ENTHD1: variants seen among roughly 807,000 people sequenced by gnomAD.
ENTHD1 encodes ENTH domain-containing protein 1.
ENTHD1 carries 23 observed loss-of-function variants against 39.1 expected under a neutral mutation model. The observed-to-expected ratio is 0.59, with a 90% CI of 0.42 to 0.83. The LOEUF (loss-of-function observed/expected upper bound fraction) is 0.83, where lower values mean the gene tolerates loss of function less well. Ranked by LOEUF, ENTHD1 falls within the 40% of genes least tolerant of loss-of-function variation. The pLI is 0.00. For synonymous variants in ENTHD1, 230 were observed against 258.2 expected, an observed-to-expected ratio of 0.89 and a Z score of 1.05; for missense variants, 624 against 705.4, an observed-to-expected ratio of 0.88 and a Z score of 1.31.
At chr22:39,779,272 C>T (rs1013328853) in intron 5 of ENTHD1, among the ~76,000 whole-genome samples, 3 of 151,944 alleles carry the variant, frequency 2.0e-5, no homozygotes, top group Non-Finnish European at 4.4e-5. Flanking sequence ...AACCAGGAGG[C>T]GGAGGTTGCA....
intron 5 of ENTHD1, among the ~76,000 whole-genome samples, chr22:39,807,102 G>A (rs1331190480): frequency 6.6e-6 from 1 of 152,140 alleles, no homozygotes; most frequent in Non-Finnish European, 1.5e-5. Context: ...AATTGTGACT[G>A]ATCAGAGCTT....
intron 6 of ENTHD1, among the ~76,000 whole-genome samples, chr22:39,758,072 T>TA (rs1403229569): frequency 7.2e-5 from 11 of 152,196 alleles, no homozygotes; most frequent in Admixed American, 2.0e-4. Flanking sequence ...AACAGACTAA[T>TA]ACAGTTGTCC....
At chr22:39,864,259 AC>A (rs1409876645) in intron 2 of ENTHD1, among the ~76,000 whole-genome samples, 5 of 151,952 alleles carry the variant, frequency 3.3e-5, no homozygotes, top group Admixed American at 2.0e-4. Context: ...TACTCTAGCT[AC>A]CCTGGTGCTT....
At chr22:39,752,482 G>A (rs78065010) in intron 6 of ENTHD1, among the ~76,000 whole-genome samples, 1,988 of 152,244 alleles carry the variant, frequency 0.013, 33 homozygotes, top group Non-Finnish European at 0.019. Context: ...TAGTGGTGAT[G>A]ATTTCACAAC....
At chr22:39,762,021 G>T (rs1418243485) in intron 6 of ENTHD1, among the ~76,000 whole-genome samples, 1 of 152,090 alleles carries the variant, frequency 6.6e-6, no homozygotes, top group Non-Finnish European at 1.5e-5. Context: ...ATGATACATT[G>T]TAAAGTGTCT....
intron 5 of ENTHD1, among the ~76,000 whole-genome samples, chr22:39,815,802 C>A (rs913101356): frequency 4.6e-5 from 7 of 151,794 alleles, no homozygotes; most frequent in Admixed American, 4.6e-4. Context: ...TACTGTACAG[C>A]GGTGAAAATA....
chr22:39,820,872 G>A (rs1030441016), intron 5 of ENTHD1, 121 bp downstream of exon 5: 9 of 991,144 alleles, frequency 9.1e-6, no homozygotes, highest in Non-Finnish European at 1.2e-5. Context: ...ACCATGTTGT[G>A]GGTTGAATTT....
chr22:39,847,374 G>T, intron 3 of ENTHD1, among the ~76,000 whole-genome samples: 4 of 102,324 alleles, frequency 3.9e-5, no homozygotes, highest in Non-Finnish European at 7.4e-5. Context: ...CTGTTGTGGG[G>T]TGGGGGGAGG....
chr22:39,832,076 G>T (rs571524720), intron 4 of ENTHD1, among the ~76,000 whole-genome samples: 58 of 152,292 alleles, frequency 3.8e-4, no homozygotes, highest in East Asian at 2.9e-3. Flanking sequence ...CCAGTGCTTT[G>T]GGAGGCCAAG....
chr22:39,865,980 C>A (rs1280624431), intron 2 of ENTHD1, among the ~76,000 whole-genome samples: 1 of 152,210 alleles, frequency 6.6e-6, no homozygotes, highest in Non-Finnish European at 1.5e-5. Flanking sequence ...TGGCCACCAA[C>A]AGCTCTAGAT....
At chr22:39,786,074 T>C (rs1223148902) in intron 5 of ENTHD1, among the ~76,000 whole-genome samples, 2 of 152,090 alleles carry the variant, frequency 1.3e-5, no homozygotes, top group Non-Finnish European at 2.9e-5. Context: ...TAGTATTCCT[T>C]CCCTTCAGAC....
At chr22:39,753,276 G>GA (rs1181265609) in intron 6 of ENTHD1, among the ~76,000 whole-genome samples, 7 of 152,274 alleles carry the variant, frequency 4.6e-5, no homozygotes, top group African/African-American at 1.7e-4. Flanking sequence ...TAGCTTCCAA[G>GA]AATCTACTAG....
intron 3 of ENTHD1, among the ~76,000 whole-genome samples, chr22:39,858,991 T>G (rs2066118209): frequency 6.6e-6 from 1 of 152,210 alleles, no homozygotes; most frequent in African/African-American, 2.4e-5. Context: ...TGTAGCCCCC[T>G]TCATCAATTA....
intron 5 of ENTHD1, among the ~76,000 whole-genome samples, chr22:39,769,154 G>A (rs6001675): frequency 0.23 from 34,411 of 151,696 alleles, 4,234 homozygotes; most frequent in African/African-American, 0.3. Flanking sequence ...AATTAATAAT[G>A]TAAGTTACCA....
chr22:39,888,973 C>T (rs192219424), intron 1 of ENTHD1, among the ~76,000 whole-genome samples: 1 of 152,016 alleles, frequency 6.6e-6, no homozygotes, highest in South Asian at 2.1e-4. Flanking sequence ...CTACAAGTCC[C>T]GAGAATCAGA....
intron 4 of ENTHD1, among the ~76,000 whole-genome samples, chr22:39,835,497 AAGATTTTTTTAATAGCAC>A (rs2065901886): frequency 6.6e-6 from 1 of 152,158 alleles, no homozygotes; most frequent in Admixed American, 6.5e-5. Context: ...ATAATTTCTC[AAGATTTTTTTAATAGCAC>A]AGACCATAAA....
At chr22:39,811,088 A>G (rs1324132150) in intron 5 of ENTHD1, among the ~76,000 whole-genome samples, 1 of 152,218 alleles carries the variant, frequency 6.6e-6, no homozygotes, top group East Asian at 1.9e-4. Context: ...GTCCTGGGAA[A>G]GTTCAAGGGA....
intron 4 of ENTHD1, among the ~76,000 whole-genome samples, chr22:39,826,269 TTG>T (rs1345978871): frequency 6.6e-6 from 1 of 152,224 alleles, no homozygotes; most frequent in Non-Finnish European, 1.5e-5. Flanking sequence ...TACTGGTGAT[TTG>T]TGTCTTCTCT....
chr22:39,744,373 G>T, intron 6 of ENTHD1, 90 bp from the exon 7 acceptor site: 1 of 1,220,670 alleles, frequency 8.2e-7, no homozygotes, highest in Non-Finnish European at 1.1e-6. Flanking sequence ...AAGCCTATCT[G>T]GAAGGGCTCA....
Sources: allele counts gnomAD v4.1 joint callset (sites outside exome capture counted in the v4.1 genomes callset), GRCh38; gene constraint gnomAD v4.1.1; transcripts MANE v1.5; gene names NCBI Gene and HGNC (gene_info 2026-07-23, HGNC 2026-07-21).